Variants in ATP2B1 observed in about 807,000 individuals in gnomAD.
ATP2B1 encodes the protein ATPase plasma membrane Ca2+ transporting 1.
A neutral mutation model predicts 124.2 loss-of-function variants in ATP2B1; 14 were observed. The observed-to-expected ratio is 0.11, with a 90% CI of 0.07 to 0.18. The LOEUF is 0.18. ATP2B1 is among the 10% of genes least tolerant of loss of function. The pLI is 1.00. For synonymous variants in ATP2B1, 449 were observed against 492.4 expected, an observed-to-expected ratio of 0.91 and a Z score of 1.17; for missense variants, 763 against 1,466.1, an observed-to-expected ratio of 0.52 and a Z score of 7.83.
chr12:89,705,635 A>C (rs990032042), intron 1 of ATP2B1, among the ~76,000 whole-genome samples: 4 of 152,302 alleles, frequency 2.6e-5, no homozygotes, highest in Admixed American at 2.6e-4. Context: ...GGAAATTAGT[A>C]AATCTTACTC....
chr12:89,600,379 G>T (rs576397248), intron 19 of ATP2B1, among the ~76,000 whole-genome samples: 1 of 152,018 alleles, frequency 6.6e-6, no homozygotes, highest in African/African-American at 2.4e-5. Context: ...ATAGTAATGG[G>T]CTTAAAATGA....
intron 1 of ATP2B1, among the ~76,000 whole-genome samples, chr12:89,659,581 C>T (rs1886424113): frequency 6.6e-6 from 1 of 152,144 alleles, no homozygotes; most frequent in South Asian, 2.1e-4. Context: ...ATTTCAATTC[C>T]TTCTTTCATA....
At chr12:89,598,039 C>CAAAAAAAAAAAAAAAA (rs10661138) in intron 20 of ATP2B1, among the ~76,000 whole-genome samples, 12 of 60,536 alleles carry the variant, frequency 2.0e-4, no homozygotes, top group Admixed American at 5.5e-4. Context: ...CACAACCAAG[C>CAAAAAAAAAAAAAAAA]AAAAAAAAAA....
chr12:89,642,786 G>A (rs905007922), intron 2 of ATP2B1, among the ~76,000 whole-genome samples: 2 of 151,946 alleles, frequency 1.3e-5, no homozygotes, highest in African/African-American at 4.8e-5. Context: ...TGTATCTTTA[G>A]TAGTGACAGG....
rs201477706 is a variant in ATP2B1, at chr12:89,681,381, A to ATTTTTTTTTTTTTTTTTTTT, written c.-221-25275_-221-25274insAAAAAAAAAAAAAAAAAAAA. Among the ~76,000 whole-genome samples, 2 of 142,036 alleles carry ATTTTTTTTTTTTTTTTTTTT rather than the reference A, an allele frequency of 1.4e-5. 1 individual carries two copies. The highest frequency in any genetic ancestry group is 3.1e-5 in the Non-Finnish European group (2 of 65,176). The allele number at this position is 142,036 out of a possible 152,430, so 93.2% of individuals were successfully genotyped here. A position where few individuals can be genotyped will look rare whatever the true frequency, so the allele number is the denominator to read the frequency against. ...AATGTTGCAAAGAAAAATCCCTATA[A>ATTTTTTTTTTTTTTTTTTTT]ATTTTTTTTTTTTTTTTGAGACACA... On this transcript the variant is annotated intron_variant, in intron 1 of 20. Coordinates refer to ENST00000428670, the MANE Select transcript of ATP2B1 (RefSeq NM_001366521.1).
At chr12:89,707,795 G>A (rs892100245) in intron 1 of ATP2B1, among the ~76,000 whole-genome samples, 5 of 152,206 alleles carry the variant, frequency 3.3e-5, no homozygotes, top group African/African-American at 1.2e-4. Context: ...CGCAGAACCA[G>A]GGGTCGCTAA....
At chr12:89,688,401 G>A (rs184863728) in intron 1 of ATP2B1, among the ~76,000 whole-genome samples, 15 of 152,086 alleles carry the variant, frequency 9.9e-5, no homozygotes, top group African/African-American at 3.6e-4. Flanking sequence ...CTGAATAGGG[G>A]AGTGAGCTCC....
chr12:89,671,200 C>G (rs929755337), intron 1 of ATP2B1, among the ~76,000 whole-genome samples: 1 of 151,902 alleles, frequency 6.6e-6, no homozygotes, highest in Non-Finnish European at 1.5e-5. Flanking sequence ...AAATGGAGCC[C>G]AGGACTCAAG....
At chr12:89,639,645 A>G (rs1006132880) in intron 3 of ATP2B1, among the ~76,000 whole-genome samples, 10 of 151,724 alleles carry the variant, frequency 6.6e-5, no homozygotes, top group Non-Finnish European at 2.9e-5. Flanking sequence ...AAAAATCTTT[A>G]TATGTTTCAT....
chr12:89,704,428 T>G (rs1892208002), intron 1 of ATP2B1, among the ~76,000 whole-genome samples: 1 of 152,116 alleles, frequency 6.6e-6, no homozygotes, highest in Admixed American at 6.5e-5. Context: ...CCATTCATAT[T>G]TCTCTATTAA....
rs562508539 is a variant in ATP2B1, at chr12:89,590,836, T to A, written c.*148A>T. The stretch of plus-strand genomic sequence containing the variant: ...GCAGAAAGCTTTGCTTTTTTTTTTT[T>A]AAAAAAATAAATCTACATTCGTACA... On this transcript the variant is annotated 3_prime_UTR_variant, in exon 21 of 21. Transcript: ENST00000428670. 1,639 of 860,232 alleles carry A rather than the reference T, an allele frequency of 1.9e-3. 4 individuals are homozygous for A. Among genetic ancestry groups the A allele is most frequent in the Middle Eastern group, 8.2e-3 (24 of 2,918 alleles). The allele number at this position is 860,232 out of a possible 1,614,324, so 53.3% of individuals were successfully genotyped here. A position where few individuals can be genotyped will look rare whatever the true frequency, so the allele number is the denominator to read the frequency against.
chr12:89,673,233 T>C (rs1461028470), intron 1 of ATP2B1, among the ~76,000 whole-genome samples: 1 of 152,252 alleles, frequency 6.6e-6, no homozygotes, highest in Non-Finnish European at 1.5e-5. Context: ...TAGCCTTGCA[T>C]ATTTGTGAAC....
At chr12:89,637,602 T>C (rs2136211323) in intron 3 of ATP2B1, among the ~76,000 whole-genome samples, 1 of 152,182 alleles carries the variant, frequency 6.6e-6, no homozygotes, top group East Asian at 1.9e-4. Flanking sequence ...TCTCGCCACA[T>C]TGCCCAGATT....
chr12:89,680,700 T>C (rs561459231), intron 1 of ATP2B1, among the ~76,000 whole-genome samples: 2 of 152,070 alleles, frequency 1.3e-5, no homozygotes, highest in South Asian at 2.1e-4. Flanking sequence ...TCTTTCCACA[T>C]AGAAGAGGCA....
At chr12:89,635,337 GTTAA>G (rs1882528250) in intron 3 of ATP2B1, 86 bp from the exon 4 acceptor site, 15 of 1,409,762 alleles carry the variant, frequency 1.1e-5, no homozygotes, top group East Asian at 4.8e-5. Context: ...ATATTTTTGT[GTTAA>G]TTATGTTTAT....
chr12:89,640,183 G>A (rs1029833164), intron 3 of ATP2B1, among the ~76,000 whole-genome samples: 1 of 152,190 alleles, frequency 6.6e-6, no homozygotes, highest in Non-Finnish European at 1.5e-5. Context: ...GGGATTTCCA[G>A]TGAATATTAT....
chr12:89,643,239 TG>T (rs559602158), intron 2 of ATP2B1, among the ~76,000 whole-genome samples: 106 of 151,320 alleles, frequency 7.0e-4, no homozygotes, highest in Admixed American at 2.5e-3. Flanking sequence ...CGTATATATA[TG>T]TATATATACA....
At chr12:89,626,965 T>C (rs1289126239) in intron 7 of ATP2B1, among the ~76,000 whole-genome samples, 1 of 152,164 alleles carries the variant, frequency 6.6e-6, no homozygotes, top group Non-Finnish European at 1.5e-5. Flanking sequence ...AATGTAGAGA[T>C]TATGTATAAC....
At chr12:89,697,588 C>T (rs1891295401) in intron 1 of ATP2B1, among the ~76,000 whole-genome samples, 1 of 151,408 alleles carries the variant, frequency 6.6e-6, no homozygotes, top group African/African-American at 2.4e-5. Flanking sequence ...CACATTTAAA[C>T]TTATTTCATA....
Sources: allele counts gnomAD v4.1 joint callset (sites outside exome capture counted in the v4.1 genomes callset), GRCh38; gene constraint gnomAD v4.1.1; transcripts MANE v1.5; gene names NCBI Gene and HGNC (gene_info 2026-07-23, HGNC 2026-07-21).